PPME1: variants seen among roughly 807,000 people sequenced by gnomAD.
PPME1 encodes the protein protein phosphatase methylesterase 1.
In PPME1, 17 loss-of-function variants were observed where a neutral mutation model predicts 56.9. That is an observed-to-expected ratio of 0.30 (90% CI 0.20 to 0.45). PPME1 has a LOEUF of 0.45. PPME1 is among the 20% of genes least tolerant of loss of function. The pLI, the probability that PPME1 is intolerant of heterozygous loss-of-function variation, is 1.00. For missense variants in PPME1, 357 were observed against 483.2 expected (o/e 0.74, Z 2.45); for synonymous variants, 122 against 156.2 (o/e 0.78, Z 1.63).
intron 3 of PPME1, 124 bp from the exon 4 acceptor site, chr11:74,222,188 A>G (rs1324327345): frequency 2.8e-6 from 2 of 709,204 alleles, no homozygotes; most frequent in African/African-American, 1.8e-5. Flanking sequence ...AAAACTAGAA[A>G]GTCTTTTGAT....
chr11:74,225,284 T>A (rs771610460), intron 5 of PPME1, 28 bp downstream of exon 5: 2 of 1,454,704 alleles, frequency 1.4e-6, no homozygotes, highest in South Asian at 2.5e-5. Context: ...TCTTATACAT[T>A]GCCTGTCTCC....
chr11:74,199,364 T>A (rs1232183347), intron 1 of PPME1, among the ~76,000 whole-genome samples: 1 of 152,224 alleles, frequency 6.6e-6, no homozygotes. Flanking sequence ...AGATGCATTG[T>A]CTCTCTAGTT....
intron 3 of PPME1, among the ~76,000 whole-genome samples, chr11:74,216,210 A>G (rs767006162): frequency 2.6e-5 from 4 of 152,250 alleles, no homozygotes; most frequent in Non-Finnish European, 4.4e-5. Flanking sequence ...TCCTCAAGAC[A>G]TGGATCATTC....
intron 1 of PPME1, among the ~76,000 whole-genome samples, chr11:74,199,219 T>G (rs769632346): frequency 8.5e-5 from 13 of 152,206 alleles, no homozygotes; most frequent in Non-Finnish European, 1.5e-4. Flanking sequence ...AAGCCTGTCT[T>G]TCTTCTCCAA....
chr11:74,182,829 G>T (rs1857575442), intron 1 of PPME1, among the ~76,000 whole-genome samples: 1 of 152,098 alleles, frequency 6.6e-6, no homozygotes, highest in Non-Finnish European at 1.5e-5. Context: ...GTTCAATCGG[G>T]TGGGTTGAGC....
chr11:74,176,721 C>CTTTTTT (rs780832040), intron 1 of PPME1, among the ~76,000 whole-genome samples: 9 of 102,188 alleles, frequency 8.8e-5, no homozygotes, highest in South Asian at 3.2e-4. Context: ...GTGTAGTGTC[C>CTTTTTT]TTTTTTTTTT....
intron 8 of PPME1, among the ~76,000 whole-genome samples, chr11:74,237,560 C>T (rs1485856652): frequency 1.3e-5 from 2 of 152,058 alleles, no homozygotes; most frequent in African/African-American, 4.8e-5. Flanking sequence ...CAGACGTGAG[C>T]CACCATGCCC....
At chr11:74,238,022 A>G (rs1398292038) in intron 8 of PPME1, 2 of 152,344 alleles carry the variant, frequency 1.3e-5, no homozygotes, top group African/African-American at 2.4e-5. Flanking sequence ...AAGTAAACCT[A>G]TGTGTAGGAG....
chr11:74,241,386 C>T lies in PPME1; in HGVS notation c.834+2130C>T, dbSNP rs941720914. Among the ~76,000 whole-genome samples the T allele has an allele frequency of 7.2e-5, 11 of 152,326 alleles. No individual in the cohort carries two copies. In the South Asian group the frequency reaches 1.9e-3, roughly 26 times the overall value. On this transcript the variant is annotated intron_variant, in intron 9 of 13. Transcript: ENST00000328257. ...ATACCACAGTTTTTAATCCATTCATCGCTTGATGGACATTTGGGTTGTTTC... is the reference window on the plus strand; with the variant it reads ...ATACCACAGTTTTTAATCCATTCATTGCTTGATGGACATTTGGGTTGTTTC...
At chr11:74,220,317 A>G (rs1422556785) in intron 3 of PPME1, among the ~76,000 whole-genome samples, 1 of 150,348 alleles carries the variant, frequency 6.7e-6, no homozygotes, top group Non-Finnish European at 1.5e-5. Flanking sequence ...AGTTCTTCCA[A>G]TCTTGTCTCT....
intron 1 of PPME1, among the ~76,000 whole-genome samples, chr11:74,185,778 C>A (rs1189274473): frequency 6.6e-6 from 1 of 151,090 alleles, no homozygotes; most frequent in Admixed American, 6.6e-5. Flanking sequence ...AAGTACAATT[C>A]TTTATTATCA....
intron 1 of PPME1, among the ~76,000 whole-genome samples, chr11:74,188,718 A>AC (rs1857757312): frequency 6.6e-6 from 1 of 152,258 alleles, no homozygotes; most frequent in Admixed American, 6.5e-5. Flanking sequence ...ATTAAAAATA[A>AC]CCAACAATAT....
At chr11:74,252,561 G>C (rs1859730658) in intron 13 of PPME1, 1 of 454,358 alleles carries the variant, frequency 2.2e-6, no homozygotes, top group Admixed American at 2.3e-5. Flanking sequence ...TCTAGAGCAG[G>C]GTTTTCAACC....
intron 11 of PPME1, chr11:74,249,028 A>C (rs1222367045): frequency 6.6e-6 from 1 of 152,260 alleles, no homozygotes; most frequent in Admixed American, 6.5e-5. Context: ...TAAATGAAAA[A>C]AATGCGGGTA....
intron 1 of PPME1, among the ~76,000 whole-genome samples, chr11:74,171,802 A>G (rs34178430): frequency 1.3e-5 from 2 of 152,168 alleles, no homozygotes; most frequent in Admixed American, 6.5e-5. Flanking sequence ...AATCACTTCC[A>G]CAATAAAGGA....
At chr11:74,204,016 G>A (rs190909761) in intron 2 of PPME1, among the ~76,000 whole-genome samples, 195 bp downstream of exon 2, 18 of 152,242 alleles carry the variant, frequency 1.2e-4, no homozygotes, top group Non-Finnish European at 2.4e-4. Context: ...CATGGAGAAG[G>A]GATTAAGAAT....
chr11:74,180,496 G>A (rs947641252), intron 1 of PPME1, among the ~76,000 whole-genome samples: 7 of 152,098 alleles, frequency 4.6e-5, no homozygotes, highest in Non-Finnish European at 7.4e-5. Flanking sequence ...TCCTAAAAGC[G>A]GTTATACTTC....
chr11:74,172,124 G>A (rs1857263261), intron 1 of PPME1, among the ~76,000 whole-genome samples: 1 of 152,162 alleles, frequency 6.6e-6, no homozygotes, highest in African/African-American at 2.4e-5. Context: ...GTGAGATTAG[G>A]TCTCTTAAGG....
intron 1 of PPME1, among the ~76,000 whole-genome samples, chr11:74,196,696 G>A (rs889414261): frequency 1.3e-5 from 2 of 152,152 alleles, no homozygotes; most frequent in Non-Finnish European, 1.5e-5. Flanking sequence ...GGACGTTCCC[G>A]AAAGTAAGAG....
Sources: allele counts gnomAD v4.1 joint callset (sites outside exome capture counted in the v4.1 genomes callset), GRCh38; gene constraint gnomAD v4.1.1; transcripts MANE v1.5; gene names NCBI Gene and HGNC (gene_info 2026-07-23, HGNC 2026-07-21).